CRISP2: variants seen among roughly 807,000 people sequenced by gnomAD.
CRISP2 encodes the protein cysteine-rich secretory protein 2.
In CRISP2, 29 loss-of-function variants were observed where a neutral mutation model predicts 31.7. The ratio of observed to expected loss-of-function variants is 0.92; its 90% confidence interval spans 0.68 to 1.25. The LOEUF is 1.25. Ranked by LOEUF, CRISP2 falls within the 50% of genes most tolerant of loss-of-function variation. The pLI, the probability that CRISP2 is intolerant of heterozygous loss-of-function variation, is 0.00. For synonymous variants in CRISP2, 111 were observed against 101.4 expected (o/e 1.09, Z -0.57); for missense variants, 318 against 286.5 (o/e 1.11, Z -0.79).
At chr6:49,695,594 A>G (rs1177900730) in intron 9 of CRISP2, among the ~76,000 whole-genome samples, 1 of 152,182 alleles carries the variant, frequency 6.6e-6, no homozygotes, top group Admixed American at 6.5e-5. Flanking sequence ...AGAGCCACAA[A>G]AACACATTGA....
At chr6:49,687,077 A>T in the CRISP2 span, among the ~76,000 whole-genome samples, 1 of 151,928 alleles carries the variant, frequency 6.6e-6, no homozygotes, top group Non-Finnish European at 1.5e-5. Context: ...GGGGAGGGAG[A>T]GTGTTAGGAG....
chr6:49,698,227 A>G (rs1186841869), intron 7 of CRISP2, 135 bp downstream of exon 7: 2 of 1,040,198 alleles, frequency 1.9e-6, no homozygotes, highest in Non-Finnish European at 2.8e-6. Context: ...CAGCTCTACA[A>G]CAGCCAAATG....
chr6:49,712,726 T>G (rs1257927542), intron 1 of CRISP2, 122 bp from the exon 2 acceptor site: 1 of 152,192 alleles, frequency 6.6e-6, no homozygotes, highest in Admixed American at 6.5e-5. Flanking sequence ...TTCTAATAAT[T>G]TACTGTATTT....
chr6:49,701,690 T>TA (rs1244639804), intron 4 of CRISP2, among the ~76,000 whole-genome samples: 1 of 112,444 alleles, frequency 8.9e-6, no homozygotes, highest in African/African-American at 4.0e-5. Context: ...ATACATTATA[T>TA]ATGTATACAT....
chr6:49,691,653 G>C (rs1382104894), downstream of CRISP2, among the ~76,000 whole-genome samples: 1 of 151,868 alleles, frequency 6.6e-6, no homozygotes, highest in Non-Finnish European at 1.5e-5. Flanking sequence ...CTATCTTAAA[G>C]ACTGAATTAA....
At chr6:49,688,217 A>T (rs1344082750), downstream of CRISP2, among the ~76,000 whole-genome samples, 1 of 152,190 alleles carries the variant, frequency 6.6e-6, no homozygotes, top group Non-Finnish European at 1.5e-5. Context: ...CTGAAAAATT[A>T]AGTGACATGC....
chr6:49,701,189 T>C (rs1400243721), intron 4 of CRISP2, among the ~76,000 whole-genome samples: 4 of 151,588 alleles, frequency 2.6e-5, no homozygotes, highest in African/African-American at 9.8e-5. Flanking sequence ...AATAAGTTCT[T>C]TACTGGTGAT....
chr6:49,703,510 A>G (rs546714577), intron 4 of CRISP2, among the ~76,000 whole-genome samples: 3 of 152,200 alleles, frequency 2.0e-5, no homozygotes, highest in Admixed American at 1.3e-4. Context: ...AGTGTTCTGC[A>G]GTTTTCTTGT....
intron 4 of CRISP2, among the ~76,000 whole-genome samples, chr6:49,703,126 G>A (rs1766387453): frequency 6.6e-6 from 1 of 152,074 alleles, no homozygotes; most frequent in Non-Finnish European, 1.5e-5. Context: ...TCAGTTGGCT[G>A]TAAGTATTTG....
Position 49,698,523 on chromosome 6 carries a change from T to C in CRISP2, c.272-16A>G. 1 of 1,590,910 alleles carries C rather than the reference T, an allele frequency of 6.3e-7. No individual in the cohort carries two copies. Among genetic ancestry groups the C allele is most frequent in the Non-Finnish European group, 8.5e-7 (1 of 1,173,290 alleles). On this transcript the variant is annotated splice_polypyrimidine_tract_variant and intron_variant, in intron 6 of 9. Transcript: ENST00000339139. The stretch of plus-strand genomic sequence containing the variant: ...CATCTTGTACCTAAGGGGCAGATCA[T>C]TCATGAGCAAGGTAATAAACATGCA...
intron 4 of CRISP2, among the ~76,000 whole-genome samples, chr6:49,702,198 C>A (rs576511384): frequency 1.7e-5 from 2 of 115,396 alleles, no homozygotes; most frequent in East Asian, 2.4e-4. Context: ...TTTCTTTATC[C>A]ACTCATTGAT....
At chr6:49,701,486 G>A (rs1166519891) in intron 4 of CRISP2, among the ~76,000 whole-genome samples, 2 of 20,684 alleles carry the variant, frequency 9.7e-5, no homozygotes, top group Non-Finnish European at 1.9e-4. Flanking sequence ...GCAGTATTAC[G>A]TGTGTGTGTG....
Position 49,692,747 on chromosome 6 carries a change from G to T in CRISP2, c.*26C>A. 6.2e-7 allele frequency: 1 copy of T among 1,604,914 alleles called. No homozygotes were observed. On this transcript the variant is annotated 3_prime_UTR_variant, in exon 10 of 10. Transcript: ENST00000339139. ...AAATGATGCAGCCCTTATCCATGCA[G>T]TCTTGCACAATGCTCACTAGGTAAA... is the stretch of plus-strand genomic sequence containing the variant.
chr6:49,700,725 A>G lies in CRISP2; in HGVS notation c.126T>C (p.Asn42=). 6.2e-7 allele frequency: 1 copy of G among 1,612,884 alleles called. No individual in the cohort carries two copies. Among genetic ancestry groups the G allele is most frequent in the Non-Finnish European group, 8.5e-7 (1 of 1,179,236 alleles). The change falls in exon 5 of 10, where the codon AAT becomes AAC. Residue 42 remains asparagine (N), a synonymous_variant. Coordinates refer to ENST00000339139, the MANE Select transcript of CRISP2 (RefSeq NM_003296.4). ...TQLQVQREIV[N]KHNELRKAVS... is the part of the protein sequence containing the mutation. Reference sequence around the variant, plus strand: ...CTGCTTTCCTTAGTTCATTGTGTTTATTTACAATCTCCCTTTGCACTTGCA... The same window carrying G: ...CTGCTTTCCTTAGTTCATTGTGTTTGTTTACAATCTCCCTTTGCACTTGCA...
At chr6:49,683,110 A>T in the CRISP2 span, among the ~76,000 whole-genome samples, 1 of 151,902 alleles carries the variant, frequency 6.6e-6, no homozygotes. Context: ...GAGAGCTGAG[A>T]TCACGCCATT....
intron 4 of CRISP2, among the ~76,000 whole-genome samples, chr6:49,701,914 TATTA>T: frequency 5.7e-5 from 1 of 17,426 alleles, no homozygotes; most frequent in African/African-American, 3.5e-4. Flanking sequence ...ATGTATTATA[TATTA>T]TATTATATAT....
At chr6:49,696,291 G>A (rs1445831418) in intron 8 of CRISP2, among the ~76,000 whole-genome samples, 3 of 152,094 alleles carry the variant, frequency 2.0e-5, no homozygotes, top group African/African-American at 7.2e-5. Context: ...TAGAGGGAAA[G>A]GAGAAGATCC....
the CRISP2 span, among the ~76,000 whole-genome samples, chr6:49,686,599 T>C: frequency 6.6e-6 from 1 of 152,230 alleles, no homozygotes; most frequent in Non-Finnish European, 1.5e-5. Flanking sequence ...TTTTACACTG[T>C]TGGTGGGACT....
At chr6:49,683,449 C>A in the CRISP2 span, among the ~76,000 whole-genome samples, 1 of 149,340 alleles carries the variant, frequency 6.7e-6, no homozygotes, top group Non-Finnish European at 1.5e-5. Flanking sequence ...CTGAGGCAGG[C>A]AGATCACGAG....
Sources: gnomAD v4.1 joint callset for allele counts (sites outside exome capture counted in the v4.1 genomes callset) on GRCh38, gnomAD v4.1.1 for gene constraint, MANE v1.5 for transcripts, NCBI Gene and HGNC (gene_info 2026-07-23, HGNC 2026-07-21) for gene names.